Variants in ADAP2 observed in about 807,000 individuals in gnomAD.
The protein encoded by ADAP2 is ArfGAP with dual PH domains 2, also known as arf-GAP with dual PH domain-containing protein 2.
ADAP2 carries 42 observed loss-of-function variants against 54.9 expected under a neutral mutation model. That is an observed-to-expected ratio of 0.77 (90% CI 0.60 to 0.99). ADAP2 has a LOEUF of 0.99. Ranked by LOEUF, ADAP2 falls within the 50% of genes least tolerant of loss-of-function variation. The pLI is 0.00. For synonymous variants in ADAP2, 177 were observed against 180.1 expected, an observed-to-expected ratio of 0.98 and a Z score of 0.14; for missense variants, 429 against 480.4, an observed-to-expected ratio of 0.89 and a Z score of 1.00.
chr17:30,933,974 C>T (rs1278933860), intron 4 of ADAP2, among the ~76,000 whole-genome samples: 2 of 152,180 alleles, frequency 1.3e-5, no homozygotes, highest in Admixed American at 1.3e-4. Context: ...AGGTTTTAGG[C>T]AGTGGGAAGT....
intron 2 of ADAP2, among the ~76,000 whole-genome samples, chr17:30,924,362 C>T (rs978704084): frequency 6.6e-6 from 1 of 150,502 alleles, no homozygotes; most frequent in African/African-American, 2.5e-5. Flanking sequence ...GAGAGTGAGA[C>T]CCTACCTCAA....
chr17:30,953,090 C>T (rs1015708004), intron 7 of ADAP2, among the ~76,000 whole-genome samples, 198 bp from the exon 8 acceptor site: 2 of 152,174 alleles, frequency 1.3e-5, no homozygotes, highest in South Asian at 4.1e-4. Context: ...CTAAGCTCTG[C>T]AAACATCTGG....
At chr17:30,937,383 G>A (rs539735659) in intron 5 of ADAP2, among the ~76,000 whole-genome samples, 2 of 152,028 alleles carry the variant, frequency 1.3e-5, no homozygotes, top group East Asian at 1.9e-4. Flanking sequence ...CACCACACCC[G>A]GCTAATTTTT....
chr17:30,948,219 CT>C (rs1598050784), intron 6 of ADAP2, among the ~76,000 whole-genome samples: 1 of 151,986 alleles, frequency 6.6e-6, no homozygotes, highest in African/African-American at 2.4e-5. Flanking sequence ...GAACTTAAGA[CT>C]TTTTTTTCTG....
Position 30,924,808 on chromosome 17 carries a change from C to T in ADAP2, c.225+1738C>T, listed in dbSNP as rs1910902705. Among the ~76,000 whole-genome samples, 2 of 151,814 alleles carry T rather than the reference C, an allele frequency of 1.3e-5. 1 individual carries two copies. The highest frequency in any genetic ancestry group is 4.1e-4 in the South Asian group (2 of 4,826). On this transcript the variant is annotated intron_variant, in intron 2 of 10. Transcript: ENST00000330889. Reference sequence around the variant, plus strand: ...AAGGCTGGAAACCAGTAAACCAGCACATAAACCTGAAGGATTTTATTTGCA... The same window carrying T: ...AAGGCTGGAAACCAGTAAACCAGCATATAAACCTGAAGGATTTTATTTGCA...
At position 30,959,091 on chromosome 17, in the gene ADAP2, C is replaced by T. The variant is rs1374120874; in HGVS notation, c.*1222C>T. 1 of 152,134 alleles carries T rather than the reference C, an allele frequency of 6.6e-6. No individual in the cohort carries two copies. The highest frequency in any genetic ancestry group is 1.5e-5 in the Non-Finnish European group (1 of 68,030). The allele number at this position is 152,134 out of a possible 1,614,324, so 9.4% of individuals were successfully genotyped here. ...ACTTGCTGGGTTGTGCATTAAGGGC[C>T]AGTTTACTTGTCTGCCTCTTTGACC... On this transcript the variant is annotated 3_prime_UTR_variant, in exon 11 of 11. Coordinates refer to ENST00000330889, the MANE Select transcript of ADAP2 (RefSeq NM_018404.3).
At position 30,926,917 on chromosome 17, in the gene ADAP2, C is replaced by G. The variant is rs773464152; in HGVS notation, c.316C>G (p.Leu106Val). 1.6e-5 allele frequency: 26 copies of G among 1,612,452 alleles called. No individual in the cohort carries two copies. In the Admixed American group the frequency reaches 2.2e-4, roughly 13 times the overall value. Residue 106 changes from leucine to valine, a missense_variant and splice_region_variant, in exon 3 of 11, where the codon CTG (leucine) becomes GTG (valine). By Grantham distance (32) the Leu-to-Val change is conservative. Coordinates refer to ENST00000330889, the MANE Select transcript of ADAP2 (RefSeq NM_018404.3). ...FYYIPQANDCLVLKEQWIRAK... is the reference protein window; with the variant it reads ...FYYIPQANDCVVLKEQWIRAK... ...CTACATCCCCCAGGCCAACGACTGC[C>G]TGTGAGTGGGTGATTCCTTAGGGAC...
intron 6 of ADAP2, among the ~76,000 whole-genome samples, chr17:30,945,805 G>C (rs1389426732): frequency 7.0e-6 from 1 of 143,566 alleles, no homozygotes. Context: ...AAGAAAAATA[G>C]AGTCTGAGGC....
intron 7 of ADAP2, 75 bp downstream of exon 7, chr17:30,949,445 A>G: frequency 7.1e-7 from 1 of 1,412,402 alleles, no homozygotes; most frequent in Non-Finnish European, 1.0e-6. Context: ...TTGACCTCGA[A>G]GACACTCAGA....
At chr17:30,950,963 C>T (rs958482756) in intron 7 of ADAP2, among the ~76,000 whole-genome samples, 4 of 152,228 alleles carry the variant, frequency 2.6e-5, no homozygotes, top group African/African-American at 7.2e-5. Flanking sequence ...CAATGTTCCC[C>T]TGCCTCTCTC....
chr17:30,942,948 C>T (rs947666645), intron 5 of ADAP2, among the ~76,000 whole-genome samples: 1 of 152,176 alleles, frequency 6.6e-6, no homozygotes. Context: ...ACACTTGTGG[C>T]AGGAATGTAA....
chr17:30,922,249 C>T (rs902579288), intron 1 of ADAP2, 141 bp downstream of exon 1: 25 of 510,628 alleles, frequency 4.9e-5, no homozygotes, highest in African/African-American at 4.4e-4. Flanking sequence ...CCCCTCCCAC[C>T]CACACCGTGA....
At position 30,943,894 on chromosome 17, in the gene ADAP2, A is replaced by T. The variant is rs1328029694; in HGVS notation, c.511-1013A>T. Among the ~76,000 whole-genome samples the T allele has an allele frequency of 2.2e-5, 3 of 139,100 alleles. No homozygotes were observed. In the East Asian group the frequency reaches 5.9e-4, roughly 27 times the overall value. The allele number at this position is 139,100 out of a possible 152,430, so 91.3% of individuals were successfully genotyped here. ...AAATAAATAAATAAATAAATAAATA[A>T]ATAAGAACCAGATTGGCCGGGGGCG... On this transcript the variant is annotated intron_variant, in intron 5 of 10. Coordinates refer to ENST00000330889, the MANE Select transcript of ADAP2 (RefSeq NM_018404.3).
chr17:30,928,129 G>A (rs1456868589), intron 3 of ADAP2, among the ~76,000 whole-genome samples: 1 of 149,878 alleles, frequency 6.7e-6, no homozygotes, highest in Non-Finnish European at 1.5e-5. Flanking sequence ...GGAGGCAGAG[G>A]GTGCATTGAG....
Position 30,956,245 on chromosome 17 carries a change from C to G in ADAP2, c.887C>G (p.Ala296Gly), listed in dbSNP as rs957406369. 8 of 1,614,108 alleles carry G rather than the reference C, an allele frequency of 5.0e-6. No individual in the cohort carries two copies. Among genetic ancestry groups the G allele is most frequent in the Non-Finnish European group, 6.8e-6 (8 of 1,180,004 alleles). The part of the protein sequence containing the change: ...RLLYYKNPLD[A>G]FEQGQVFLGN... ...CCCTGTACTCTCCATTTTCAGGATG[C>G]CTTCGAGCAGGGCCAGGTTTTTCTT... The change falls in exon 10 of 11, where the codon GCC becomes GGC. Residue 296 changes from alanine to glycine, a missense_variant. By Grantham distance (60) the Ala-to-Gly change is moderately conservative (BLOSUM62 0). Coordinates refer to ENST00000330889, the MANE Select transcript of ADAP2 (RefSeq NM_018404.3).
At position 30,922,037 on chromosome 17, in the gene ADAP2, A is replaced by G; in HGVS notation, c.23A>G (p.Lys8Arg). The G allele has an allele frequency of 2.3e-6, 3 of 1,277,016 alleles. No homozygotes were observed. The highest frequency in any genetic ancestry group is 3.0e-6 in the Non-Finnish European group (3 of 1,016,410). 79.1% of individuals were successfully genotyped at this position (1,277,016 alleles called of 1,614,324 possible). The change falls in exon 1 of 11, where the codon AAG (lysine) becomes AGG (arginine). Residue 8 changes from lysine to arginine, a missense_variant. Lys to Arg is a conservative substitution (Grantham distance 26). Coordinates refer to ENST00000330889, the MANE Select transcript of ADAP2 (RefSeq NM_018404.3). ...GCCATGGGCGATCGCGAGCGCAACA[A>G]GAAGCGGCTGCTGGAGCTGCTGCGG... MGDRERNKKRLLELLRAP... is the reference protein window; with the variant it reads MGDRERNRKRLLELLRAP...
intron 3 of ADAP2, among the ~76,000 whole-genome samples, chr17:30,929,629 G>A (rs1322067296): frequency 2.6e-5 from 4 of 152,270 alleles, no homozygotes; most frequent in Middle Eastern, 3.4e-3. Context: ...CTCATGGTGG[G>A]CCAGGTGATT....
chr17:30,928,614 C>G (rs973697966), intron 3 of ADAP2, among the ~76,000 whole-genome samples: 13 of 152,188 alleles, frequency 8.5e-5, no homozygotes, highest in African/African-American at 2.9e-4. Context: ...TATCCCTATG[C>G]TATAGATGAA....
chr17:30,936,355 G>T (rs1775572107), intron 5 of ADAP2, among the ~76,000 whole-genome samples: 1 of 151,936 alleles, frequency 6.6e-6, no homozygotes, highest in Admixed American at 6.6e-5. Flanking sequence ...GTAGAGATAG[G>T]GTTTTGCTTT....
Sources: gnomAD v4.1 joint callset for allele counts (sites outside exome capture counted in the v4.1 genomes callset) on GRCh38, gnomAD v4.1.1 for gene constraint, MANE v1.5 for transcripts, NCBI Gene and HGNC (gene_info 2026-07-23, HGNC 2026-07-21) for gene names.